Variants in PDE8B observed in about 807,000 individuals in gnomAD.
PDE8B encodes the protein phosphodiesterase 8B, also known as high affinity cAMP-specific and IBMX-insensitive 3',5'-cyclic phosphodiesterase 8B.
In PDE8B, 26 loss-of-function variants were observed where a neutral mutation model predicts 101.3. That is an observed-to-expected ratio of 0.26 (90% CI 0.19 to 0.36). The LOEUF (loss-of-function observed/expected upper bound fraction) is 0.36, where lower values mean the gene tolerates loss of function less well. Ranked by LOEUF, PDE8B falls within the 10% of genes least tolerant of loss-of-function variation. The probability of loss-of-function intolerance (pLI) is 1.00; values close to 1 mark genes in which losing one functional copy is unlikely to be tolerated. For synonymous variants in PDE8B, 424 were observed against 429.3 expected, an observed-to-expected ratio of 0.99 and a Z score of 0.15; for missense variants, 810 against 1,163.1, an observed-to-expected ratio of 0.70 and a Z score of 4.42.
the PDE8B span, among the ~76,000 whole-genome samples, chr5:77,199,682 G>C: frequency 6.6e-6 from 1 of 152,122 alleles, no homozygotes; most frequent in Non-Finnish European, 1.5e-5. Context: ...GAGAAAGCAA[G>C]TAATTACCTA....
chr5:77,131,201 G>A, the PDE8B span: 5 of 152,368 alleles, frequency 3.3e-5, no homozygotes, highest in African/African-American at 1.2e-4. Flanking sequence ...ACAGGACTGT[G>A]TTTCACAGGA....
Position 77,367,386 on chromosome 5 carries a change from A to G in PDE8B, c.1167+13980A>G, listed in dbSNP as rs1479877935. 2.0e-5 allele frequency among the ~76,000 whole-genome samples: 3 copies of G among 152,142 alleles called. No homozygotes were observed. The East Asian group carries it at 5.8e-4, about 29-fold the overall frequency. ...GAGTGTCGTCCCTTGTGGAGTGGCCAGTGCAGAAGTTATCCCTTCCCCTTG... is the reference window on the plus strand; with the variant it reads ...GAGTGTCGTCCCTTGTGGAGTGGCCGGTGCAGAAGTTATCCCTTCCCCTTG... On this transcript the variant is annotated intron_variant, in intron 10 of 21. Coordinates refer to ENST00000264917, the MANE Select transcript of PDE8B (RefSeq NM_003719.5).
chr5:77,154,475 A>C, the PDE8B span, among the ~76,000 whole-genome samples: 1 of 152,354 alleles, frequency 6.6e-6, no homozygotes, highest in East Asian at 1.9e-4. Context: ...GACCTACCTA[A>C]GATCATGCAG....
At chr5:77,282,738 G>A (rs566042770) in intron 1 of PDE8B, among the ~76,000 whole-genome samples, 2 of 152,090 alleles carry the variant, frequency 1.3e-5, no homozygotes, top group East Asian at 1.9e-4. Flanking sequence ...AGCAATGTCC[G>A]GCACGCTCAG....
chr5:77,411,884 T>G (rs1794642211), intron 15 of PDE8B, among the ~76,000 whole-genome samples, 163 bp downstream of exon 15: 1 of 152,252 alleles, frequency 6.6e-6, no homozygotes, highest in Non-Finnish European at 1.5e-5. Context: ...TTAAAATTAC[T>G]TCTCTGAGCA....
chr5:77,368,927 G>A (rs924120802), intron 10 of PDE8B, among the ~76,000 whole-genome samples: 1 of 152,054 alleles, frequency 6.6e-6, no homozygotes, highest in Non-Finnish European at 1.5e-5. Context: ...AAGAGGCTGG[G>A]CGCAGTGGCT....
Position 77,325,646 on chromosome 5 carries a change from T to C in PDE8B, c.507T>C (p.Leu169=). The change falls in exon 3 of 22, where the codon CTT becomes CTC. Residue 169 remains leucine (L), a synonymous_variant. Transcript: ENST00000264917. The part of the protein sequence containing the change: ...CNIARTPESA[L]ECFLDKHHEI... ...TTGCTCGGACTCCAGAGTCAGCCCT[T>C]GAATGCTTTCTTGATAAGCATCATG... The C allele has an allele frequency of 6.2e-7, 1 of 1,613,704 alleles. No individual in the cohort carries two copies. Among genetic ancestry groups the C allele is most frequent in the East Asian group, 2.2e-5 (1 of 44,884 alleles).
At chr5:77,341,080 T>A (rs1187906788) in intron 6 of PDE8B, among the ~76,000 whole-genome samples, 1 of 152,176 alleles carries the variant, frequency 6.6e-6, no homozygotes, top group Non-Finnish European at 1.5e-5. Flanking sequence ...CAGATATTAA[T>A]AAAGCTAAGG....
the PDE8B span, among the ~76,000 whole-genome samples, chr5:77,099,594 G>A: frequency 6.7e-6 from 1 of 149,780 alleles, no homozygotes; most frequent in Non-Finnish European, 1.5e-5. Flanking sequence ...TGCTCCCCAG[G>A]GTGACCTTTT....
At chr5:77,161,400 TTTTGATTATACA>T in the PDE8B span, among the ~76,000 whole-genome samples, 5 of 152,230 alleles carry the variant, frequency 3.3e-5, no homozygotes, top group Non-Finnish European at 7.3e-5. Context: ...ATGATTATCA[TTTTGATTATACA>T]TTTGATTATC....
At chr5:77,239,031 A>C (rs1451007520) in intron 1 of PDE8B, among the ~76,000 whole-genome samples, 1 of 152,238 alleles carries the variant, frequency 6.6e-6, no homozygotes, top group Non-Finnish European at 1.5e-5. Context: ...AAAGCTATCT[A>C]GGCATCCCTT....
At chr5:77,204,634 G>C in the PDE8B span, among the ~76,000 whole-genome samples, 2 of 152,076 alleles carry the variant, frequency 1.3e-5, no homozygotes, top group East Asian at 3.9e-4. Flanking sequence ...AGGAGACACT[G>C]TCTAGTTACC....
the PDE8B span, among the ~76,000 whole-genome samples, chr5:77,176,254 T>A: frequency 6.6e-6 from 1 of 152,116 alleles, no homozygotes; most frequent in Non-Finnish European, 1.5e-5. Context: ...AAGCTGTGAA[T>A]GGGGTGAAGT....
the PDE8B span, among the ~76,000 whole-genome samples, chr5:77,108,789 ATATT>A: frequency 6.6e-6 from 1 of 152,338 alleles, no homozygotes; most frequent in East Asian, 1.9e-4. Flanking sequence ...AAAGTAAAAA[ATATT>A]TATCTGCACC....
At chr5:77,343,086 A>G (rs1299006101) in intron 6 of PDE8B, among the ~76,000 whole-genome samples, 1 of 152,246 alleles carries the variant, frequency 6.6e-6, no homozygotes, top group Non-Finnish European at 1.5e-5. Context: ...CCATTCCATG[A>G]TCCACGAAGA....
At chr5:77,120,307 G>A in the PDE8B span, among the ~76,000 whole-genome samples, 2 of 152,168 alleles carry the variant, frequency 1.3e-5, no homozygotes, top group South Asian at 4.1e-4. Context: ...ATGAGGGAAT[G>A]TTCCTCTACA....
In PDE8B at chr5:77,358,260, T is replaced by C. The variant is rs368262657; in HGVS notation, c.1167+4854T>C. Among the ~76,000 whole-genome samples, 11 of 152,364 alleles carry C rather than the reference T, an allele frequency of 7.2e-5. No individual in the cohort carries two copies. The East Asian group carries it at 2.1e-3, about 29-fold the overall frequency. On this transcript the variant is annotated intron_variant, in intron 10 of 21. Coordinates refer to ENST00000264917, the MANE Select transcript of PDE8B (RefSeq NM_003719.5). Reference sequence around the variant, plus strand: ...ATTTCAATTTGTCCTAAATTCCCAGTACTTGGCTCTTTTACATGCTTTTAA... The same window carrying C: ...ATTTCAATTTGTCCTAAATTCCCAGCACTTGGCTCTTTTACATGCTTTTAA...
intron 6 of PDE8B, among the ~76,000 whole-genome samples, chr5:77,340,600 AGTGTGTGTGTGTGTGTGTGTGT>A (rs34764404): frequency 1.4e-5 from 2 of 140,078 alleles, no homozygotes; most frequent in African/African-American, 5.3e-5. Flanking sequence ...GCAGCCTCAC[AGTGTGTGTGTGTGTGTGTGTGT>A]GTGTGTGTGT....
chr5:77,258,631 T>C (rs114467224), intron 1 of PDE8B, among the ~76,000 whole-genome samples: 1,719 of 152,318 alleles, frequency 0.011, 36 homozygotes, highest in African/African-American at 0.039. Flanking sequence ...CATCCCTTCT[T>C]TCAAACCTGT....
Sources: allele counts gnomAD v4.1 joint callset (sites outside exome capture counted in the v4.1 genomes callset), GRCh38; gene constraint gnomAD v4.1.1; transcripts MANE v1.5; gene names NCBI Gene and HGNC (gene_info 2026-07-23, HGNC 2026-07-21).